MAPKBP1: variants seen among roughly 807,000 people sequenced by gnomAD.
The protein encoded by MAPKBP1 is mitogen-activated protein kinase binding protein 1.
In MAPKBP1, 71 loss-of-function variants were observed where a neutral mutation model predicts 170.5. That is an observed-to-expected ratio of 0.42 (90% CI 0.34 to 0.51). MAPKBP1 has a LOEUF of 0.51. Among genes scored for constraint, MAPKBP1 ranks in the 20% least tolerant of loss-of-function variants. MAPKBP1 has a pLI of 0.06. For synonymous variants in MAPKBP1, 719 were observed against 757.9 expected (o/e 0.95, Z 0.84); for missense variants, 1,598 against 1,933.0 (o/e 0.83, Z 3.25).
intron 30 of MAPKBP1, 180 bp from the exon 31 acceptor site, chr15:41,825,029 C>T: frequency 1.8e-6 from 1 of 570,698 alleles, no homozygotes; most frequent in Non-Finnish European, 3.1e-6. Context: ...ATGGGTTCCT[C>T]CTTGGGCGTC....
chr15:41,783,843 A>G (rs1248095553), intron 2 of MAPKBP1, among the ~76,000 whole-genome samples: 1 of 152,180 alleles, frequency 6.6e-6, no homozygotes, highest in Non-Finnish European at 1.5e-5. Flanking sequence ...CCCCGTCTCT[A>G]CTAAAAACAC....
chr15:41,800,407 G>A (rs913393359), intron 3 of MAPKBP1, among the ~76,000 whole-genome samples: 1 of 151,758 alleles, frequency 6.6e-6, no homozygotes, highest in Non-Finnish European at 1.5e-5. Context: ...GCAGTGGCTC[G>A]ATGTTGGCTC....
At chr15:41,783,072 C>T (rs2152068116) in intron 2 of MAPKBP1, among the ~76,000 whole-genome samples, 1 of 152,274 alleles carries the variant, frequency 6.6e-6, no homozygotes, top group South Asian at 2.1e-4. Flanking sequence ...TGACCAGAAG[C>T]CACAAGCGGT....
intron 5 of MAPKBP1, chr15:41,811,444 G>A: frequency 1.4e-6 from 1 of 704,064 alleles, no homozygotes; most frequent in South Asian, 1.5e-5. Flanking sequence ...CACTAGCCTG[G>A]TCCTCAGAGT....
At chr15:41,809,339 G>A (rs185689488) in intron 3 of MAPKBP1, among the ~76,000 whole-genome samples, 64 of 152,290 alleles carry the variant, frequency 4.2e-4, no homozygotes, top group Admixed American at 1.4e-3. Context: ...GAATTCCACA[G>A]CTGTTGGTCA....
chr15:41,824,670 A>T lies in MAPKBP1; in HGVS notation c.4299+101A>T, dbSNP rs1048416642. 10 of 1,128,998 alleles carry T rather than the reference A, an allele frequency of 8.9e-6. No individual in the cohort carries two copies. In the African/African-American group the frequency reaches 1.5e-4, roughly 17 times the overall value. 69.9% of individuals were successfully genotyped at this position (1,128,998 alleles called of 1,614,324 possible). A position where few individuals can be genotyped will look rare whatever the true frequency, so the allele number is the denominator to read the frequency against. On this transcript the variant is annotated intron_variant, in intron 30 of 30. Transcript: ENST00000457542. ...ACAGTATGCTAAGCCTCTTGTGCTG[A>T]CAGGATGGCACACTCAAGAACATCT...
At position 41,821,070 on chromosome 15, in the gene MAPKBP1, T is replaced by A; in HGVS notation, c.2718+2T>A. On this transcript the variant is annotated splice_donor_variant, in intron 23 of 30. Transcript: ENST00000457542. LOFTEE classifies it high-confidence loss of function. ...CTTGAGACTTCACTCACTAGCCAGG[T>A]GAGCCTGCTTTCTCCCAGCTCTCTA... 1 of 1,613,568 alleles carries A rather than the reference T, an allele frequency of 6.2e-7. No homozygotes were observed. The highest frequency in any genetic ancestry group is 8.5e-7 in the Non-Finnish European group (1 of 1,179,768).
intron 3 of MAPKBP1, among the ~76,000 whole-genome samples, chr15:41,808,657 G>A (rs1232431472): frequency 6.6e-6 from 1 of 150,540 alleles, no homozygotes; most frequent in Non-Finnish European, 1.5e-5. Flanking sequence ...TGTATTTTTA[G>A]TAGAGATGGG....
intron 3 of MAPKBP1, among the ~76,000 whole-genome samples, chr15:41,805,855 G>T (rs2064680956): frequency 6.6e-6 from 1 of 152,154 alleles, no homozygotes. Context: ...GGATCATGCA[G>T]TGTGTTAGCA....
At chr15:41,795,944 C>T (rs1331782203) in intron 2 of MAPKBP1, among the ~76,000 whole-genome samples, 1 of 152,116 alleles carries the variant, frequency 6.6e-6, no homozygotes, top group Non-Finnish European at 1.5e-5. Flanking sequence ...CTGTGACCTA[C>T]CATGTGGAGA....
At chr15:41,775,114 C>A in intron 1 of MAPKBP1, 53 bp from the exon 2 acceptor site, 1 of 615,490 alleles carries the variant, frequency 1.6e-6, no homozygotes, top group South Asian at 1.9e-5. Context: ...CTGCAGACTT[C>A]GCTAGGCAGA....
At position 41,819,555 on chromosome 15, in the gene MAPKBP1, G is replaced by GGGGC. The variant is rs1555454090; in HGVS notation, c.2426-38_2426-37insGCGG. On this transcript the variant is annotated intron_variant, in intron 21 of 30. Coordinates refer to ENST00000457542, the MANE Select transcript of MAPKBP1 (RefSeq NM_014994.3). ...GCTCCAGGGTTGGGTGGCGGGGGGGGGGCAGGAGACACTTCCTCTGACTGC... is the reference window on the plus strand; with the variant it reads ...GCTCCAGGGTTGGGTGGCGGGGGGGGGGGCGGCAGGAGACACTTCCTCTGACTGC... 7.6e-5 allele frequency: 112 copies of GGGGC among 1,481,830 alleles called. No individual in the cohort carries two copies. The South Asian group carries it at 9.3e-4, about 12-fold the overall frequency. The allele number at this position is 1,481,830 out of a possible 1,614,324, so 91.8% of individuals were successfully genotyped here. A position where few individuals can be genotyped will look rare whatever the true frequency, so the allele number is the denominator to read the frequency against.
intron 2 of MAPKBP1, among the ~76,000 whole-genome samples, chr15:41,784,761 A>G (rs2064252521): frequency 1.5e-5 from 2 of 137,488 alleles, no homozygotes; most frequent in Non-Finnish European, 3.1e-5. Context: ...CAGCCTGGCA[A>G]TAGAGCGAGA....
chr15:41,809,058 A>G (rs4923913), intron 3 of MAPKBP1, among the ~76,000 whole-genome samples: 20,651 of 126,486 alleles, frequency 0.16, 2,414 homozygotes, highest in East Asian at 0.7. Flanking sequence ...TGGGTGACAG[A>G]GCGAGACCCT....
At position 41,815,776 on chromosome 15, in the gene MAPKBP1, A is replaced by C. The variant is rs781293120; in HGVS notation, c.1470A>C (p.Ser490=). ...CVSPNGQHLA[S]GDRMGTLRVH... is the part of the protein sequence containing the mutation. ...GCCCCAATGGACAGCATCTAGCATC[A>C]GGGGACCGTATGGGCACACTTAGGT... The change falls in exon 12 of 31, where the codon TCA becomes TCC. Residue 490 remains serine, a synonymous_variant. Coordinates refer to ENST00000457542, the MANE Select transcript of MAPKBP1 (RefSeq NM_014994.3). The C allele has an allele frequency of 6.2e-7, 1 of 1,613,990 alleles. No individual in the cohort carries two copies. The highest frequency in any genetic ancestry group is 8.5e-7 in the Non-Finnish European group (1 of 1,179,956).
chr15:41,777,727 TTACTC>T (rs1462067290), intron 2 of MAPKBP1, among the ~76,000 whole-genome samples: 1 of 152,240 alleles, frequency 6.6e-6, no homozygotes, highest in Non-Finnish European at 1.5e-5. Flanking sequence ...TGCCTTGTGA[TTACTC>T]TAGTGTATTA....
intron 8 of MAPKBP1, 159 bp downstream of exon 8, chr15:41,813,260 T>G: frequency 6.6e-7 from 1 of 1,509,816 alleles, no homozygotes; most frequent in Admixed American, 1.7e-5. Flanking sequence ...TTTCCAGCCC[T>G]TGGTGATCTG....
At position 41,825,333 on chromosome 15, in the gene MAPKBP1, G is replaced by A; in HGVS notation, c.4424G>A (p.Ser1475Asn). 1 of 1,613,308 alleles carries A rather than the reference G, an allele frequency of 6.2e-7. No individual in the cohort carries two copies. Among genetic ancestry groups the A allele is most frequent in the Non-Finnish European group, 8.5e-7 (1 of 1,179,942 alleles). Residue 1475 changes from serine to asparagine, a missense_variant, in exon 31 of 31, where the codon AGC becomes AAC. Physicochemically the swap from Ser to Asn is conservative, Grantham distance 46 (BLOSUM62 1). Coordinates refer to ENST00000457542, the MANE Select transcript of MAPKBP1 (RefSeq NM_014994.3). ...VAGAVLSSPG[S>N]SPGAVGAEQT... The stretch of plus-strand genomic sequence containing the variant: ...GGGGCAGTGCTGTCCAGCCCAGGCA[G>A]CAGCCCTGGGGCTGTGGGAGCCGAG...
At chr15:41,780,354 C>T (rs1232242974) in intron 2 of MAPKBP1, among the ~76,000 whole-genome samples, 1 of 152,226 alleles carries the variant, frequency 6.6e-6, no homozygotes, top group Non-Finnish European at 1.5e-5. Flanking sequence ...CCCTCTGAGT[C>T]TGAAGTTGGG....
Sources: allele counts gnomAD v4.1 joint callset (sites outside exome capture counted in the v4.1 genomes callset), GRCh38; gene constraint gnomAD v4.1.1; transcripts MANE v1.5; gene names NCBI Gene and HGNC (gene_info 2026-07-23, HGNC 2026-07-21).